Variants in PSMG2 observed in about 807,000 individuals in gnomAD.
PSMG2 encodes proteasome assembly chaperone 2, also known as CD40 ligand-activated specific transcript 3.
In PSMG2, 21 loss-of-function variants were observed where a neutral mutation model predicts 31.5. That is an observed-to-expected ratio of 0.67 (90% confidence interval 0.47 to 0.96). The LOEUF is 0.96. Among genes scored for constraint, PSMG2 ranks in the 40% least tolerant of loss-of-function variants. The pLI, the probability that PSMG2 is intolerant of heterozygous loss-of-function variation, is 0.00. For synonymous variants in PSMG2, 120 were observed against 110.4 expected, an observed-to-expected ratio of 1.09 and a Z score of -0.54; for missense variants, 318 against 321.2, an observed-to-expected ratio of 0.99 and a Z score of 0.08.
intron 2 of PSMG2, among the ~76,000 whole-genome samples, chr18:12,707,619 T>G (rs1243487925): frequency 6.6e-6 from 1 of 152,170 alleles, no homozygotes; most frequent in Non-Finnish European, 1.5e-5. Flanking sequence ...GAACACTGGT[T>G]ATAATGCAGC....
At chr18:12,674,737 G>T in intron 1 of PSMG2, 4 of 1,613,450 alleles carry the variant, frequency 2.5e-6, no homozygotes, top group Non-Finnish European at 3.4e-6. Context: ...TTCCCAAACA[G>T]TAGTGAGGCC....
At chr18:12,713,559 G>A (rs751191808) in intron 3 of PSMG2, among the ~76,000 whole-genome samples, 16 of 152,152 alleles carry the variant, frequency 1.1e-4, no homozygotes, top group Non-Finnish European at 2.1e-4. Flanking sequence ...CTAACTCATA[G>A]GGCTCATGTG....
Position 12,704,635 on chromosome 18 carries a change from G to A in PSMG2, c.57+1471G>A, listed in dbSNP as rs186821158. ...AGATAAAGTTTCTGCTTATGTTTTC[G>A]TGGACGACTTGGAGAATTTTTGCTA... On this transcript the variant is annotated intron_variant, in intron 1 of 6. Transcript: ENST00000317615. Among the ~76,000 whole-genome samples, 99 of 152,174 alleles carry A rather than the reference G, an allele frequency of 6.5e-4. 1 individual carries two copies. The highest frequency in any genetic ancestry group is 5.7e-4 in the Non-Finnish European group (39 of 68,000).
chr18:12,664,821 C>T (rs1466734347), intron 1 of PSMG2, among the ~76,000 whole-genome samples: 1 of 151,736 alleles, frequency 6.6e-6, no homozygotes, highest in Non-Finnish European at 1.5e-5. Flanking sequence ...GCCTCAGCCT[C>T]CTGAGTAGCT....
rs891212058 is a variant in PSMG2, at chr18:12,694,917, G to A, written c.-36-11633G>A. ...TTTTTAGTAGAGGCGGGGTTTCACCGTGTTAGCCAGGATGGTCACGATCTC... is the reference window on the plus strand; with the variant it reads ...TTTTTAGTAGAGGCGGGGTTTCACCATGTTAGCCAGGATGGTCACGATCTC... On this transcript the variant is annotated intron_variant, in intron 1 of 6. Coordinates refer to the PSMG2 transcript ENST00000585331. 1.1e-4 allele frequency among the ~76,000 whole-genome samples: 16 copies of A among 150,882 alleles called. No individual in the cohort carries two copies. The East Asian group carries it at 2.5e-3, about 24-fold the overall frequency.
chr18:12,712,806 GAAAAT>G (rs1482497506), intron 3 of PSMG2, 46 bp downstream of exon 3: 1 of 1,427,006 alleles, frequency 7.0e-7, no homozygotes, highest in Non-Finnish European at 9.8e-7. Context: ...AGTGTAATGA[GAAAAT>G]AAGTAACATT....
intron 1 of PSMG2, among the ~76,000 whole-genome samples, chr18:12,705,627 A>G (rs2040260791): frequency 6.7e-6 from 1 of 149,286 alleles, no homozygotes; most frequent in Non-Finnish European, 1.5e-5. Context: ...GATCACTTCA[A>G]CCTTTCGGAA....
At chr18:12,678,466 A>T in intron 1 of PSMG2, 1 of 1,473,718 alleles carries the variant, frequency 6.8e-7, no homozygotes, top group Non-Finnish European at 9.2e-7. Context: ...ATAATTTTAT[A>T]TATGAGAACT....
At chr18:12,658,802 C>A in intron 1 of PSMG2, 1 of 313,212 alleles carries the variant, frequency 3.2e-6, no homozygotes, top group South Asian at 2.4e-5. Flanking sequence ...GGGATCTTTA[C>A]GGGTTTTCCT....
upstream of PSMG2, among the ~76,000 whole-genome samples, chr18:12,701,901 C>A (rs533334420): frequency 1.0e-3 from 153 of 152,288 alleles, no homozygotes; most frequent in African/African-American, 3.5e-3. Context: ...GAGGCCGAGG[C>A]GGCCGGATCA....
intron 1 of PSMG2, among the ~76,000 whole-genome samples, chr18:12,705,328 T>C (rs1295581607): frequency 2.6e-5 from 4 of 152,114 alleles, no homozygotes; most frequent in Non-Finnish European, 4.4e-5. Context: ...CCTCCCAAAG[T>C]GCTGGGATTA....
chr18:12,680,951 C>T, intron 1 of PSMG2: 1 of 879,404 alleles, frequency 1.1e-6, no homozygotes, highest in Non-Finnish European at 1.7e-6. Flanking sequence ...GTAATCCCAA[C>T]ACTTTGGGAG....
At chr18:12,691,253 TTTA>T in intron 1 of PSMG2, 1 of 718,698 alleles carries the variant, frequency 1.4e-6, no homozygotes, top group East Asian at 3.2e-5. Context: ...CAAATACACT[TTTA>T]TTTTTTGGAA....
intron 2 of PSMG2, among the ~76,000 whole-genome samples, chr18:12,711,025 A>C (rs1388071848): frequency 6.6e-6 from 1 of 150,962 alleles, no homozygotes; most frequent in Non-Finnish European, 1.5e-5. Flanking sequence ...GCTTGAACCC[A>C]GGAGGTAGAG....
intron 3 of PSMG2, among the ~76,000 whole-genome samples, chr18:12,715,533 C>G (rs1317633783): frequency 6.6e-6 from 1 of 151,728 alleles, no homozygotes; most frequent in Non-Finnish European, 1.5e-5. Flanking sequence ...GAGATGGAGT[C>G]TTGCTCTTGT....
At chr18:12,695,563 A>T (rs2039923251) in intron 1 of PSMG2, among the ~76,000 whole-genome samples, 1 of 152,050 alleles carries the variant, frequency 6.6e-6, no homozygotes, top group Non-Finnish European at 1.5e-5. Context: ...TTATTTTCTT[A>T]GCTTTCTGAC....
At chr18:12,675,398 A>T (rs2039087402) in intron 1 of PSMG2, among the ~76,000 whole-genome samples, 1 of 152,116 alleles carries the variant, frequency 6.6e-6, no homozygotes, top group African/African-American at 2.4e-5. Flanking sequence ...TCTGTCTCAA[A>T]AAAAATAAAT....
At chr18:12,702,196 TC>T, upstream of PSMG2, among the ~76,000 whole-genome samples, 1 of 152,286 alleles carries the variant, frequency 6.6e-6, no homozygotes, top group East Asian at 1.9e-4. Flanking sequence ...CGATCCGACT[TC>T]CAGAAGTCGC....
At chr18:12,686,395 C>A in intron 1 of PSMG2, 2 of 1,614,056 alleles carry the variant, frequency 1.2e-6, no homozygotes, top group Non-Finnish European at 1.7e-6. Context: ...AAGAAGCCGT[C>A]CAGCTCGAAG....
Sources: gnomAD v4.1 joint callset for allele counts (sites outside exome capture counted in the v4.1 genomes callset) on GRCh38, gnomAD v4.1.1 for gene constraint, MANE v1.5 for transcripts, NCBI Gene and HGNC (gene_info 2026-07-23, HGNC 2026-07-21) for gene names.